GLI3: variants seen among roughly 807,000 people sequenced by gnomAD.
GLI3 encodes GLI family zinc finger 3, also known as transcription activator GLI3.
Under a neutral mutation model 100.8 loss-of-function variants are expected in GLI3, and 20 were observed. The observed-to-expected ratio is 0.20, with a 90% CI of 0.14 to 0.29. GLI3 has a LOEUF of 0.29. Ranked by LOEUF, GLI3 falls within the 10% of genes least tolerant of loss-of-function variation. The pLI, the probability that GLI3 is intolerant of heterozygous loss-of-function variation, is 1.00. For missense variants in GLI3, 2,040 were observed against 2,128.5 expected (o/e 0.96, Z 0.82); for synonymous variants, 938 against 860.5 (o/e 1.09, Z -1.58).
At chr7:42,009,580 G>T (rs1007748818) in intron 10 of GLI3, among the ~76,000 whole-genome samples, 1 of 150,552 alleles carries the variant, frequency 6.6e-6, no homozygotes, top group African/African-American at 2.4e-5. Context: ...CACTCAACTG[G>T]CCTCTGACTC....
At chr7:42,102,519 T>C (rs1229447304) in intron 3 of GLI3, among the ~76,000 whole-genome samples, 10 of 152,228 alleles carry the variant, frequency 6.6e-5, no homozygotes, top group Admixed American at 5.9e-4. Context: ...AATCAGTTTC[T>C]GTTGCATGTA....
chr7:41,987,778 G>A (rs1787872169), intron 10 of GLI3, among the ~76,000 whole-genome samples: 2 of 152,184 alleles, frequency 1.3e-5, no homozygotes, highest in African/African-American at 4.8e-5. Flanking sequence ...TTGACGCACT[G>A]TTAATTCAGA....
chr7:42,134,080 C>CA (rs11441623), intron 3 of GLI3, among the ~76,000 whole-genome samples: 51,965 of 108,982 alleles, frequency 0.48, 12,282 homozygotes, highest in East Asian at 0.67. Context: ...GACTCTGTCT[C>CA]AAAAAAAAAA....
At chr7:41,979,506 T>A (rs1279969216) in intron 10 of GLI3, among the ~76,000 whole-genome samples, 1 of 152,230 alleles carries the variant, frequency 6.6e-6, no homozygotes, top group African/African-American at 2.4e-5. Context: ...TCTGAATTAC[T>A]TACCAATTCA....
chr7:42,238,113 G>T (rs1296048198), upstream of GLI3, among the ~76,000 whole-genome samples: 3 of 141,394 alleles, frequency 2.1e-5, no homozygotes, highest in Non-Finnish European at 4.6e-5. Flanking sequence ...ACTTGACCCC[G>T]CGCCCTCCCG....
At chr7:42,027,622 A>G (rs1039521001) in intron 7 of GLI3, among the ~76,000 whole-genome samples, 1 of 152,196 alleles carries the variant, frequency 6.6e-6, no homozygotes, top group Admixed American at 6.5e-5. Flanking sequence ...CATTTTGCCT[A>G]TTTGACTACA....
At chr7:42,258,391 A>T (rs186490649) in intron 1 of GLI3, among the ~76,000 whole-genome samples, 26 of 152,272 alleles carry the variant, frequency 1.7e-4, no homozygotes, top group African/African-American at 6.3e-4. Context: ...GAGTGTAGAG[A>T]TACATCTGTC....
chr7:42,254,664 C>T (rs1381941813), intron 1 of GLI3, among the ~76,000 whole-genome samples: 1 of 152,134 alleles, frequency 6.6e-6, no homozygotes, highest in Non-Finnish European at 1.5e-5. Context: ...TCAATAATTT[C>T]TCATTGCTCT....
intron 1 of GLI3, among the ~76,000 whole-genome samples, chr7:42,246,437 A>G (rs1487860622): frequency 3.3e-5 from 5 of 152,016 alleles, no homozygotes; most frequent in African/African-American, 1.2e-4. Context: ...GGGGGAATAA[A>G]CTCATATGTG....
At chr7:42,055,013 C>T (rs573475635) in intron 4 of GLI3, among the ~76,000 whole-genome samples, 2 of 145,654 alleles carry the variant, frequency 1.4e-5, no homozygotes, top group Admixed American at 6.8e-5. Context: ...ATATGTATAC[C>T]TATATACATA....
chr7:42,003,028 T>C (rs1257386542), intron 10 of GLI3, among the ~76,000 whole-genome samples: 1 of 152,346 alleles, frequency 6.6e-6, no homozygotes, highest in Admixed American at 6.5e-5. Context: ...GCAAGCACCA[T>C]GAGGACAGGC....
intron 6 of GLI3, among the ~76,000 whole-genome samples, chr7:42,040,688 T>G (rs7811555): frequency 0.013 from 2,009 of 152,178 alleles, 56 homozygotes; most frequent in African/African-American, 0.046. Flanking sequence ...TAAAGTATCC[T>G]AAGATTAAAA....
At chr7:42,003,508 G>A (rs1788366817) in intron 10 of GLI3, among the ~76,000 whole-genome samples, 1 of 152,048 alleles carries the variant, frequency 6.6e-6, no homozygotes, top group Non-Finnish European at 1.5e-5. Context: ...AAATGACAGA[G>A]AAATAAAATA....
chr7:42,256,524 A>G (rs892476598), intron 1 of GLI3, among the ~76,000 whole-genome samples: 5 of 152,200 alleles, frequency 3.3e-5, no homozygotes, highest in Non-Finnish European at 1.5e-5. Context: ...TGCTGTACCA[A>G]TCGTTGAAAA....
chr7:41,969,841 C>T (rs982990052), intron 13 of GLI3, among the ~76,000 whole-genome samples: 1 of 152,216 alleles, frequency 6.6e-6, no homozygotes, highest in African/African-American at 2.4e-5. Context: ...GAAGGTGGTG[C>T]ACATCTGGTC....
At chr7:42,192,795 A>G (rs961998191) in intron 2 of GLI3, among the ~76,000 whole-genome samples, 4 of 152,170 alleles carry the variant, frequency 2.6e-5, no homozygotes, top group African/African-American at 9.7e-5. Context: ...CTTCAGGGCC[A>G]CCCCCTTAGA....
At chr7:42,140,588 C>A (rs1460263665) in intron 3 of GLI3, among the ~76,000 whole-genome samples, 1 of 152,126 alleles carries the variant, frequency 6.6e-6, no homozygotes, top group Admixed American at 6.5e-5. Context: ...CAACAAGAAT[C>A]CAAACTATAT....
chr7:42,109,964 T>C (rs192136934), intron 3 of GLI3, among the ~76,000 whole-genome samples: 123 of 152,342 alleles, frequency 8.1e-4, no homozygotes, highest in Middle Eastern at 3.4e-3. Context: ...ACTTTTTTTA[T>C]AGAAAACCAA....
chr7:42,171,144 T>C (rs147842075), intron 2 of GLI3, among the ~76,000 whole-genome samples: 1 of 152,356 alleles, frequency 6.6e-6, no homozygotes, highest in Non-Finnish European at 1.5e-5. Flanking sequence ...AAGTGTTAGA[T>C]TCAAAGCTAG....
Sources: allele counts gnomAD v4.1 joint callset (sites outside exome capture counted in the v4.1 genomes callset), GRCh38; gene constraint gnomAD v4.1.1; transcripts MANE v1.5; gene names NCBI Gene and HGNC (gene_info 2026-07-23, HGNC 2026-07-21).